Variants in PSMC1 observed in about 807,000 individuals in gnomAD.
PSMC1 encodes the protein 26S proteasome regulatory subunit 4.
Under a neutral mutation model 49.8 loss-of-function variants are expected in PSMC1, and 5 were observed. That is an observed-to-expected ratio of 0.10 (90% CI 0.05 to 0.21). PSMC1 has a LOEUF of 0.21. PSMC1 is among the 10% of genes least tolerant of loss of function. The probability of loss-of-function intolerance (pLI) is 1.00; values close to 1 mark genes in which losing one functional copy is unlikely to be tolerated. For missense variants in PSMC1, 181 were observed against 535.7 expected, an observed-to-expected ratio of 0.34 and a Z score of 6.54; for synonymous variants, 155 against 192.1, an observed-to-expected ratio of 0.81 and a Z score of 1.60.
chr14:90,267,266 A>G (rs574474279), intron 7 of PSMC1, among the ~76,000 whole-genome samples: 6 of 151,856 alleles, frequency 4.0e-5, no homozygotes, highest in South Asian at 2.1e-4. Flanking sequence ...GGTTCAAGCA[A>G]TTCTCCTGCC....
intron 7 of PSMC1, among the ~76,000 whole-genome samples, chr14:90,267,217 C>T (rs1275045810): frequency 2.0e-5 from 3 of 151,916 alleles, no homozygotes; most frequent in Non-Finnish European, 4.4e-5. Context: ...GCAATCTCCG[C>T]CTCCCGGGTT....
intron 3 of PSMC1, among the ~76,000 whole-genome samples, chr14:90,261,193 T>C (rs977195332): frequency 6.6e-6 from 1 of 152,238 alleles, no homozygotes; most frequent in Non-Finnish European, 1.5e-5. Context: ...CCTTTGCCCT[T>C]ACTCACTCCT....
rs1566676592 is a variant in PSMC1 at position 90,272,236 on chromosome 14, G to A, written c.1189-37G>A. ...GAATTCCTTGTTAGAATAAAAATGAGTATGTCACTTTCTGAACACACTCTT... is the reference window on the plus strand; with the variant it reads ...GAATTCCTTGTTAGAATAAAAATGAATATGTCACTTTCTGAACACACTCTT... On this transcript the variant is annotated intron_variant, in intron 10 of 10. Transcript: ENST00000261303. The surrounding 1 kb of genome is among the most constrained non-coding windows in gnomAD (Gnocchi z 4.5). 3 of 1,598,078 alleles carry A rather than the reference G, an allele frequency of 1.9e-6. No homozygotes were observed. The highest frequency in any genetic ancestry group is 2.7e-5 in the African/African-American group (2 of 73,876).
chr14:90,268,366 A>C lies in PSMC1; in HGVS notation c.834A>C (p.Ala278=), dbSNP rs1439444934. The change falls in exon 8 of 11, where the codon GCA becomes GCC. Residue 278 remains alanine, a synonymous_variant. Transcript: ENST00000261303. ...RELFRVAEEH[A]PSIVFIDEID... ...TGTTCCGAGTTGCTGAAGAACATGCACCGTCCATCGTGTTTATTGATGAAA... is the reference window on the plus strand; with the variant it reads ...TGTTCCGAGTTGCTGAAGAACATGCCCCGTCCATCGTGTTTATTGATGAAA... 2 of 1,613,504 alleles carry C rather than the reference A, an allele frequency of 1.2e-6. No individual in the cohort carries two copies. The highest frequency in any genetic ancestry group is 3.3e-5 in the Admixed American group (2 of 59,888).
In PSMC1 at chr14:90,259,148, T is replaced by A; in HGVS notation, c.4-12T>A. 1 of 1,613,592 alleles carries A rather than the reference T, an allele frequency of 6.2e-7. No homozygotes were observed. The highest frequency in any genetic ancestry group is 8.5e-7 in the Non-Finnish European group (1 of 1,179,682). ...TCTGAATTTACATCTGTGCCTGATT[T>A]TTCTCCTCCAGGGTCAAAGTCAGAG... On this transcript the variant is annotated splice_polypyrimidine_tract_variant and intron_variant, in intron 1 of 10. Transcript: ENST00000261303.
rs1356980193 is a variant in PSMC1 at position 90,273,077 on chromosome 14, C to G, written c.*670C>G. On this transcript the variant is annotated 3_prime_UTR_variant, in exon 11 of 11. Transcript: ENST00000261303. Reference sequence around the variant, plus strand: ...GAAACATGTCAGAACTTCCCCTTCCCTTTCTCCGTCTATTTCCGTCATTTC... The same window carrying G: ...GAAACATGTCAGAACTTCCCCTTCCGTTTCTCCGTCTATTTCCGTCATTTC... 6.6e-6 allele frequency: 1 copy of G among 152,304 alleles called. No individual in the cohort carries two copies. The highest frequency in any genetic ancestry group is 1.5e-5 in the Non-Finnish European group (1 of 68,058). The allele number at this position is 152,304 out of a possible 1,614,324, so 9.4% of individuals were successfully genotyped here. A position where few individuals can be genotyped will look rare whatever the true frequency, so the allele number is the denominator to read the frequency against.
chr14:90,265,806 T>C (rs7145398), intron 7 of PSMC1, among the ~76,000 whole-genome samples: 54,052 of 150,210 alleles, frequency 0.36, 10,162 homozygotes, highest in East Asian at 0.52. Context: ...CTACAGTGAG[T>C]CATGATCACA....
intron 7 of PSMC1, among the ~76,000 whole-genome samples, chr14:90,265,723 G>C (rs1226295072): frequency 6.6e-6 from 1 of 150,490 alleles, no homozygotes; most frequent in East Asian, 1.9e-4. Flanking sequence ...GGTGGGCGTG[G>C]TAGTGCATGC....
In PSMC1 at chr14:90,263,801, A is replaced by C. The variant is rs780095382; in HGVS notation, c.419A>C (p.Asp140Ala). 6.2e-7 allele frequency: 1 copy of C among 1,614,184 alleles called. No individual in the cohort carries two copies. The highest frequency in any genetic ancestry group is 8.5e-7 in the Non-Finnish European group (1 of 1,179,994). ...TACGTCAGCATTCTTTCATTTGTAG[A>C]CAAGGATCTGCTGGAACCTGGCTGC... ...EHYVSILSFV[D>A]KDLLEPGCSV... is the part of the protein sequence containing the mutation. Residue 140 changes from aspartate (D) to alanine (A), a missense_variant, in exon 5 of 11, where the codon GAC (aspartate) becomes GCC (alanine). Transcript: ENST00000261303.
chr14:90,268,113 T>C, intron 7 of PSMC1, 111 bp from the exon 8 acceptor site: 1 of 830,368 alleles, frequency 1.2e-6, no homozygotes, highest in South Asian at 1.9e-5. Context: ...TGCCTTAGCA[T>C]GAGGGCCCGC....
intron 3 of PSMC1, among the ~76,000 whole-genome samples, chr14:90,262,476 A>G (rs1324035872): frequency 1.3e-5 from 2 of 152,104 alleles, no homozygotes; most frequent in Non-Finnish European, 2.9e-5. Context: ...AACTTGGAAA[A>G]CCCAGAAACC....
intron 2 of PSMC1, 146 bp downstream of exon 2, chr14:90,259,359 A>G (rs1055207750): frequency 2.2e-5 from 14 of 641,132 alleles, no homozygotes; most frequent in Non-Finnish European, 3.4e-5. Flanking sequence ...CAGATACAAT[A>G]AATATGCTTT....
At chr14:90,264,214 T>TG in intron 6 of PSMC1, 45 bp downstream of exon 6, 1 of 1,607,148 alleles carries the variant, frequency 6.2e-7, no homozygotes, top group Non-Finnish European at 8.5e-7. Context: ...TTTTGGTTTC[T>TG]GTTGTCCCAT....
At chr14:90,257,458 G>A (rs921608741) in intron 1 of PSMC1, among the ~76,000 whole-genome samples, 2 of 152,142 alleles carry the variant, frequency 1.3e-5, no homozygotes, top group Non-Finnish European at 2.9e-5. Context: ...TGAGCGGACC[G>A]AAATTGAGGG....
At chr14:90,270,087 A>C in intron 9 of PSMC1, 111 bp from the exon 10 acceptor site, 1 of 1,155,662 alleles carries the variant, frequency 8.7e-7, no homozygotes, top group Non-Finnish European at 1.2e-6. Context: ...CTTCCCACAG[A>C]ATTCTGTCCG....
intron 1 of PSMC1, among the ~76,000 whole-genome samples, chr14:90,258,848 A>AG (rs1426730884): frequency 6.6e-6 from 1 of 152,126 alleles, no homozygotes; most frequent in Non-Finnish European, 1.5e-5. Flanking sequence ...TCCCCTCAAG[A>AG]GGGGGGTGAT....
intron 3 of PSMC1, 34 bp from the exon 4 acceptor site, chr14:90,263,277 TCAGGGTC>T (rs776990424): frequency 6.4e-7 from 1 of 1,560,370 alleles, no homozygotes; most frequent in Non-Finnish European, 8.6e-7. Context: ...CTTGCAAACT[TCAGGGTC>T]CACATATAAT....
In PSMC1 at chr14:90,268,553, C is replaced by T. The variant is rs368389491; in HGVS notation, c.881+140C>T. 112 of 779,202 alleles carry T rather than the reference C, an allele frequency of 1.4e-4. 1 individual carries two copies. The South Asian group carries it at 1.9e-3, about 13-fold the overall frequency. 48.3% of individuals were successfully genotyped at this position (779,202 alleles called of 1,614,324 possible). A position where few individuals can be genotyped will look rare whatever the true frequency, so the allele number is the denominator to read the frequency against. The stretch of plus-strand genomic sequence containing the variant: ...TGGCCTTCCATGCATGCTTTAGGCT[C>T]TGCTCTCCCAGGAGCCAGCTAACAA... On this transcript the variant is annotated intron_variant, in intron 8 of 10. Transcript: ENST00000261303.
rs1233690125 is a variant in PSMC1, at chr14:90,265,081, G to A, written c.606G>A (p.Glu202=). The A allele has an allele frequency of 1.2e-6, 2 of 1,610,542 alleles. No individual in the cohort carries two copies. The highest frequency in any genetic ancestry group is 1.7e-5 in the Admixed American group (1 of 59,850). Residue 202 remains glutamate (E), a synonymous_variant, in exon 7 of 11, where the codon GAG becomes GAA. Coordinates refer to ENST00000261303, the MANE Select transcript of PSMC1 (RefSeq NM_002802.3). ...ACTGTTTTTCATAGGAATCTGTGGA[G>A]CTTCCTCTCACCCATCCTGAATATT... The part of the protein sequence containing the change: ...NQIQEIKESV[E]LPLTHPEYYE...
Sources: gnomAD v4.1 joint callset for allele counts (sites outside exome capture counted in the v4.1 genomes callset) on GRCh38, gnomAD v4.1.1 for gene constraint, Gnocchi (gnomAD v3.1) non-coding constraint, MANE v1.5 for transcripts, NCBI Gene and HGNC (gene_info 2026-07-23, HGNC 2026-07-21) for gene names.